The following CCDC91 variants were observed in gnomAD, a reference collection of about 807,000 sequenced individuals.
CCDC91 encodes the protein coiled-coil domain-containing protein 91.
A neutral mutation model predicts 63.2 loss-of-function variants in CCDC91; 48 were observed. The observed-to-expected ratio is 0.76, with a 90% CI of 0.60 to 0.97. The LOEUF is 0.97. Ranked by LOEUF, CCDC91 falls within the 50% of genes least tolerant of loss-of-function variation. The pLI, the probability that CCDC91 is intolerant of heterozygous loss-of-function variation, is 0.00. For missense variants in CCDC91, 500 were observed against 494.6 expected (o/e 1.01, Z -0.10); for synonymous variants, 167 against 165.8 (o/e 1.01, Z -0.06).
intron 12 of CCDC91, among the ~76,000 whole-genome samples, chr12:28,493,134 T>G (rs998050836): frequency 1.3e-5 from 2 of 151,602 alleles, no homozygotes; most frequent in African/African-American, 4.8e-5. Context: ...GTCTCAATCC[T>G]CACAACAACC....
intron 8 of CCDC91, among the ~76,000 whole-genome samples, chr12:28,400,141 C>T (rs1431118809): frequency 6.6e-6 from 1 of 152,184 alleles, no homozygotes; most frequent in East Asian, 1.9e-4. Flanking sequence ...CAGGCATTTC[C>T]ATACATCCTC....
intron 1 of CCDC91, among the ~76,000 whole-genome samples, chr12:28,245,295 G>A (rs1456116829): frequency 6.6e-6 from 1 of 151,954 alleles, no homozygotes; most frequent in African/African-American, 2.4e-5. Flanking sequence ...TATAATAAAT[G>A]TAATCAGGAA....
chr12:28,413,388 G>A (rs1474775866), intron 8 of CCDC91, among the ~76,000 whole-genome samples: 1 of 151,988 alleles, frequency 6.6e-6, no homozygotes, highest in Non-Finnish European at 1.5e-5. Flanking sequence ...CCCTCCTCAT[G>A]TGTTTAATTT....
At chr12:28,468,594 G>A (rs1023424293) in intron 11 of CCDC91, among the ~76,000 whole-genome samples, 2 of 151,830 alleles carry the variant, frequency 1.3e-5, no homozygotes, top group Non-Finnish European at 2.9e-5. Flanking sequence ...CTCATTCTAT[G>A]AGGCCAGTAT....
intron 7 of CCDC91, among the ~76,000 whole-genome samples, chr12:28,380,151 A>G (rs1336797434): frequency 6.6e-6 from 1 of 152,034 alleles, no homozygotes; most frequent in Non-Finnish European, 1.5e-5. Flanking sequence ...AGGAAGGGGA[A>G]CATCACACAC....
intron 1 of CCDC91, among the ~76,000 whole-genome samples, chr12:28,241,371 C>T (rs975497438): frequency 1.3e-5 from 2 of 152,116 alleles, no homozygotes; most frequent in African/African-American, 4.8e-5. Flanking sequence ...TGTGTACTAT[C>T]TACTGACTCC....
chr12:28,313,559 A>C (rs1237324809), intron 6 of CCDC91, among the ~76,000 whole-genome samples: 1 of 152,036 alleles, frequency 6.6e-6, no homozygotes, highest in African/African-American at 2.4e-5. Context: ...TGTTTGTAAA[A>C]CCTTTAAACA....
chr12:28,325,835 TC>T (rs1940941895), intron 6 of CCDC91, among the ~76,000 whole-genome samples: 1 of 152,070 alleles, frequency 6.6e-6, no homozygotes, highest in African/African-American at 2.4e-5. Context: ...TTTTGAAACT[TC>T]TATTTAGGAA....
intron 12 of CCDC91, among the ~76,000 whole-genome samples, chr12:28,539,457 T>C (rs1372633003): frequency 6.6e-6 from 1 of 152,154 alleles, no homozygotes; most frequent in East Asian, 1.9e-4. Context: ...TTCTGTTCCA[T>C]TGGTCTATAT....
chr12:28,304,853 C>T, intron 3 of CCDC91: 1 of 284,698 alleles, frequency 3.5e-6, no homozygotes, highest in Non-Finnish European at 6.8e-6. Context: ...ATATGTACGA[C>T]ATGTTTATCT....
At chr12:28,371,955 A>G (rs1944650560) in intron 7 of CCDC91, among the ~76,000 whole-genome samples, 1 of 152,106 alleles carries the variant, frequency 6.6e-6, no homozygotes, top group East Asian at 1.9e-4. Context: ...TTCTTCTTCA[A>G]ATTTTATGGT....
chr12:28,515,047 T>G (rs1939794265), intron 12 of CCDC91, among the ~76,000 whole-genome samples: 1 of 151,522 alleles, frequency 6.6e-6, no homozygotes, highest in Non-Finnish European at 1.5e-5. Context: ...AAATGGAGGG[T>G]CTAATTTACA....
Position 28,362,431 on chromosome 12 carries a change from CT to C in CCDC91, c.577-4del. 2 of 1,556,616 alleles carry C rather than the reference CT, an allele frequency of 1.3e-6. No individual in the cohort carries two copies. Among genetic ancestry groups the C allele is most frequent in the Non-Finnish European group, 1.7e-6 (2 of 1,150,504 alleles). Reference sequence around the variant, plus strand: ...AACTCATGGTTTTAGTTTCTTTTTTCTTTCAGGAAAAACATAAACAAGAATT... The same window carrying C: ...AACTCATGGTTTTAGTTTCTTTTTTCTTCAGGAAAAACATAAACAAGAATT... On this transcript the variant is annotated splice_region_variant and splice_polypyrimidine_tract_variant and intron_variant, in intron 6 of 12. Transcript: ENST00000536442.
At chr12:28,346,438 G>A (rs1303927651) in intron 6 of CCDC91, among the ~76,000 whole-genome samples, 1 of 152,098 alleles carries the variant, frequency 6.6e-6, no homozygotes, top group Non-Finnish European at 1.5e-5. Context: ...TGTTTTTACT[G>A]GAGACACTTT....
chr12:28,260,703 T>A (rs558462981), intron 3 of CCDC91, among the ~76,000 whole-genome samples: 2 of 152,082 alleles, frequency 1.3e-5, no homozygotes, highest in African/African-American at 4.8e-5. Context: ...ATCTTAAATG[T>A]GGGGCATAGT....
At chr12:28,284,104 T>TA (rs1948767693) in intron 3 of CCDC91, among the ~76,000 whole-genome samples, 1 of 152,192 alleles carries the variant, frequency 6.6e-6, no homozygotes. Context: ...ACATTCATGA[T>TA]ACAGCCTTTC....
At chr12:28,264,100 A>G (rs1393559673) in intron 3 of CCDC91, among the ~76,000 whole-genome samples, 2 of 151,836 alleles carry the variant, frequency 1.3e-5, no homozygotes, top group African/African-American at 4.8e-5. Context: ...AAGAAACAAC[A>G]GCTATTTTGG....
intron 12 of CCDC91, among the ~76,000 whole-genome samples, chr12:28,525,461 G>C (rs1377375025): frequency 6.6e-6 from 1 of 152,126 alleles, no homozygotes; most frequent in Non-Finnish European, 1.5e-5. Context: ...TGGTCTGAGA[G>C]AGTGCTTGAT....
At chr12:28,504,190 AT>A (rs1344611611) in intron 12 of CCDC91, among the ~76,000 whole-genome samples, 1 of 151,914 alleles carries the variant, frequency 6.6e-6, no homozygotes, top group Non-Finnish European at 1.5e-5. Flanking sequence ...ATGGAAGGGA[AT>A]TTAATGAAAT....
Sources: allele counts gnomAD v4.1 joint callset (sites outside exome capture counted in the v4.1 genomes callset), GRCh38; gene constraint gnomAD v4.1.1; transcripts MANE v1.5; gene names NCBI Gene and HGNC (gene_info 2026-07-23, HGNC 2026-07-21).